CHODL: variants seen among roughly 807,000 people sequenced by gnomAD.
The protein encoded by CHODL is transmembrane protein MT75.
CHODL carries 29 observed loss-of-function variants against 34.5 expected under a neutral mutation model. The observed-to-expected ratio is 0.84, with a 90% CI of 0.63 to 1.15. The LOEUF (loss-of-function observed/expected upper bound fraction) is 1.15, where lower values mean the gene tolerates loss of function less well. CHODL is among the 50% of genes most tolerant of loss of function. The probability of loss-of-function intolerance (pLI) is 0.00; values close to 1 mark genes in which losing one functional copy is unlikely to be tolerated. For missense variants in CHODL, 332 were observed against 332.5 expected (o/e 1.00, Z 0.01); for synonymous variants, 125 against 116.1 (o/e 1.08, Z -0.49).
At chr21:18,227,453 T>C (rs1601171738) in intron 2 of CHODL, among the ~76,000 whole-genome samples, 1 of 152,156 alleles carries the variant, frequency 6.6e-6, no homozygotes. Context: ...TTACAACATA[T>C]ATGTTGTGTG....
At chr21:18,060,884 G>A (rs1161894319) in intron 2 of CHODL, among the ~76,000 whole-genome samples, 2 of 152,090 alleles carry the variant, frequency 1.3e-5, no homozygotes, top group African/African-American at 4.8e-5. Context: ...ATTCACTACA[G>A]GGTCAAGCGA....
intron 2 of CHODL, among the ~76,000 whole-genome samples, chr21:18,226,374 C>T (rs564465724): frequency 2.0e-5 from 3 of 152,228 alleles, no homozygotes; most frequent in African/African-American, 7.2e-5. Flanking sequence ...GATCTCAGCT[C>T]ACTGCAACCT....
At chr21:18,188,336 G>A (rs1274504322) in intron 2 of CHODL, among the ~76,000 whole-genome samples, 1 of 152,020 alleles carries the variant, frequency 6.6e-6, no homozygotes, top group African/African-American at 2.4e-5. Flanking sequence ...AGAACTCTAG[G>A]CTTGCAAATG....
intron 2 of CHODL, among the ~76,000 whole-genome samples, chr21:18,086,422 C>T (rs971112715): frequency 6.6e-6 from 1 of 151,906 alleles, no homozygotes; most frequent in Admixed American, 6.6e-5. Context: ...TCATATTTCT[C>T]TTTTTTTCAT....
At chr21:17,994,899 G>C (rs1009034447) in intron 1 of CHODL, among the ~76,000 whole-genome samples, 1 of 152,166 alleles carries the variant, frequency 6.6e-6, no homozygotes, top group African/African-American at 2.4e-5. Context: ...GGGGTTACTG[G>C]AGTAGGTGGG....
Position 18,225,189 on chromosome 21 carries a change from C to T in CHODL, c.-44-31320C>T, listed in dbSNP as rs576983726. Among the ~76,000 whole-genome samples, 30 of 152,084 alleles carry T rather than the reference C, an allele frequency of 2.0e-4. 1 individual carries two copies. In the East Asian group the frequency reaches 5.4e-3, roughly 27 times the overall value. Reference sequence around the variant, plus strand: ...AACTTGTGTTATTACATAAAATAGCCGTTATCATGAATGTAGTAACCATAA... The same window carrying T: ...AACTTGTGTTATTACATAAAATAGCTGTTATCATGAATGTAGTAACCATAA... On this transcript the variant is annotated intron_variant, in intron 2 of 6. Coordinates refer to the CHODL transcript ENST00000400127.
intron 2 of CHODL, among the ~76,000 whole-genome samples, chr21:18,196,322 G>C (rs1320960025): frequency 1.3e-5 from 2 of 152,176 alleles, no homozygotes; most frequent in Non-Finnish European, 2.9e-5. Flanking sequence ...ATGGAACTTT[G>C]ATTAAGATAA....
At chr21:18,187,496 C>T (rs1397810656) in intron 2 of CHODL, among the ~76,000 whole-genome samples, 2 of 152,134 alleles carry the variant, frequency 1.3e-5, no homozygotes, top group Middle Eastern at 3.2e-3. Context: ...GTCATTTTTG[C>T]GTTATAATTA....
chr21:18,212,819 T>C (rs1432459420), intron 2 of CHODL, among the ~76,000 whole-genome samples: 3 of 152,172 alleles, frequency 2.0e-5, no homozygotes, highest in East Asian at 1.9e-4. Context: ...GACAATGTCA[T>C]GTTTGAAACA....
At chr21:17,950,920 C>T (rs905885572) in intron 1 of CHODL, among the ~76,000 whole-genome samples, 1 of 152,084 alleles carries the variant, frequency 6.6e-6, no homozygotes, top group Non-Finnish European at 1.5e-5. Context: ...TGTCTTGCTT[C>T]TTATGGTCTT....
At chr21:18,228,294 T>C (rs78247221) in intron 2 of CHODL, among the ~76,000 whole-genome samples, 2 of 152,116 alleles carry the variant, frequency 1.3e-5, no homozygotes, top group Non-Finnish European at 2.9e-5. Flanking sequence ...TCTGGACAAG[T>C]AGTCATTAGG....
chr21:17,966,381 T>G (rs1039399523), intron 1 of CHODL, among the ~76,000 whole-genome samples: 15 of 152,172 alleles, frequency 9.9e-5, no homozygotes, highest in African/African-American at 3.6e-4. Context: ...AAACAGAAAT[T>G]GAAGGGGCAT....
chr21:18,022,146 A>C (rs1471152486), intron 1 of CHODL, among the ~76,000 whole-genome samples: 3 of 152,218 alleles, frequency 2.0e-5, no homozygotes, highest in African/African-American at 7.2e-5. Flanking sequence ...AACAGCAGAC[A>C]CTTATTCACT....
Position 18,266,241 on chromosome 21 carries a change from A to G in CHODL, c.*203A>G. 3 of 1,479,010 alleles carry G rather than the reference A, an allele frequency of 2.0e-6. No individual in the cohort carries two copies. Among genetic ancestry groups the G allele is most frequent in the Non-Finnish European group, 2.7e-6 (3 of 1,114,192 alleles). The allele number at this position is 1,479,010 out of a possible 1,614,324, so 91.6% of individuals were successfully genotyped here. On this transcript the variant is annotated 3_prime_UTR_variant, in exon 6 of 6. Transcript: ENST00000299295. ...TGCTGTGCTAATAATGGAGTGAGAC[A>G]TGCTTATTTTGCTAAAGGATGCACC...
chr21:18,217,837 CA>C (rs903387856), intron 2 of CHODL, among the ~76,000 whole-genome samples: 5 of 152,038 alleles, frequency 3.3e-5, no homozygotes, highest in African/African-American at 1.2e-4. Context: ...AAATATTGGC[CA>C]AAACAAAGGG....
At chr21:17,957,866 C>G (rs1014379047) in intron 1 of CHODL, among the ~76,000 whole-genome samples, 1 of 151,574 alleles carries the variant, frequency 6.6e-6, no homozygotes, top group Admixed American at 6.6e-5. Flanking sequence ...TCTGTTTGAC[C>G]TTACCTTTTA....
At chr21:18,123,864 G>T (rs566470224) in intron 2 of CHODL, among the ~76,000 whole-genome samples, 1 of 152,074 alleles carries the variant, frequency 6.6e-6, no homozygotes, top group Non-Finnish European at 1.5e-5. Context: ...CAGCAAGAAC[G>T]CAGGGTACCT....
rs377532902 is a variant in CHODL, at chr21:18,128,236, G to T, written c.-45+100265G>T. On this transcript the variant is annotated intron_variant, in intron 2 of 6. Coordinates refer to the CHODL transcript ENST00000400127. ...GAATGGTGTGAACCTGGGAGGTGGA[G>T]CTTGCAGTGAGCCCAGATCGCGCCA... Among the ~76,000 whole-genome samples the T allele has an allele frequency of 3.5e-3, 491 of 139,424 alleles. 1 individual carries two copies. Among genetic ancestry groups the T allele is most frequent in the Non-Finnish European group, 5.4e-3 (353 of 65,360 alleles). The allele number at this position is 139,424 out of a possible 152,430, so 91.5% of individuals were successfully genotyped here.
At chr21:18,264,467 T>G (rs1249989516) in intron 5 of CHODL, among the ~76,000 whole-genome samples, 1 of 151,874 alleles carries the variant, frequency 6.6e-6, no homozygotes, top group African/African-American at 2.4e-5. Context: ...CCAGGCGTGG[T>G]GGCGGGCGCC....
Sources: gnomAD v4.1 joint callset for allele counts (sites outside exome capture counted in the v4.1 genomes callset) on GRCh38, gnomAD v4.1.1 for gene constraint, MANE v1.5 for transcripts, NCBI Gene and HGNC (gene_info 2026-07-23, HGNC 2026-07-21) for gene names.